PACS2: variants seen among roughly 807,000 people sequenced by gnomAD.
The protein encoded by PACS2 is phosphofurin acidic cluster sorting protein 2.
Under a neutral mutation model 113.0 loss-of-function variants are expected in PACS2, and 36 were observed. The observed-to-expected ratio is 0.32, with a 90% CI of 0.24 to 0.42. The LOEUF (loss-of-function observed/expected upper bound fraction) is 0.42, where lower values mean the gene tolerates loss of function less well. Ranked by LOEUF, PACS2 falls within the 10% of genes least tolerant of loss-of-function variation. PACS2 has a pLI of 1.00. For synonymous variants in PACS2, 589 were observed against 536.1 expected, an observed-to-expected ratio of 1.10 and a Z score of -1.36; for missense variants, 1,015 against 1,239.5, an observed-to-expected ratio of 0.82 and a Z score of 2.72.
chr14:105,377,938 G>C (rs587775851), intron 9 of PACS2, among the ~76,000 whole-genome samples: 1 of 152,348 alleles, frequency 6.6e-6, no homozygotes, highest in African/African-American at 2.4e-5. Flanking sequence ...GTGGTGGTTG[G>C]TGGAGTTCAG....
In PACS2 at chr14:105,383,615, C is replaced by T. The variant is rs1017327463; in HGVS notation, c.1780+102C>T. 2.9e-5 allele frequency: 34 copies of T among 1,162,304 alleles called. No homozygotes were observed. In the East Asian group the frequency reaches 3.1e-4, roughly 11 times the overall value. The allele number at this position is 1,162,304 out of a possible 1,614,324, so 72.0% of individuals were successfully genotyped here. A position where few individuals can be genotyped will look rare whatever the true frequency, so the allele number is the denominator to read the frequency against. Reference sequence around the variant, plus strand: ...TGGCGTGGCGTGTTGTGTGGCGTGGCGTGGCGCGGTGTGTCGTGGTGTGGC... The same window carrying T: ...TGGCGTGGCGTGTTGTGTGGCGTGGTGTGGCGCGGTGTGTCGTGGTGTGGC... On this transcript the variant is annotated intron_variant, in intron 16 of 24. Coordinates refer to ENST00000447393, the MANE Select transcript of PACS2 (RefSeq NM_001100913.3).
In PACS2 at chr14:105,348,730, T is replaced by C. The variant is rs1030848260; in HGVS notation, c.207+150T>C. The stretch of plus-strand genomic sequence containing the variant: ...CTCCGGGAGCCCGGGGGGCTGGGAA[T>C]GACAGGATGCTCCTGGGTCCAGTCC... On this transcript the variant is annotated intron_variant, in intron 2 of 24. Transcript: ENST00000447393. This position sits in a 1 kb window ranked among gnomAD's most constrained non-coding sequence, Gnocchi z 6.4. 2 of 660,168 alleles carry C rather than the reference T, an allele frequency of 3.0e-6. No homozygotes were observed. The highest frequency in any genetic ancestry group is 5.4e-6 in the Non-Finnish European group (2 of 367,818). The allele number at this position is 660,168 out of a possible 1,614,324, so 40.9% of individuals were successfully genotyped here. A position where few individuals can be genotyped will look rare whatever the true frequency, so the allele number is the denominator to read the frequency against.
chr14:105,318,652 T>TTTATTTTTA (rs1566897256), intron 1 of PACS2, among the ~76,000 whole-genome samples: 1 of 149,804 alleles, frequency 6.7e-6, no homozygotes, highest in African/African-American at 2.5e-5. Context: ...TATTTATTTA[T>TTTATTTTTA]TTTTATTTTA....
At chr14:105,314,445 C>G (rs975506235), upstream of PACS2, 2 of 148,154 alleles carry the variant, frequency 1.3e-5, no homozygotes, top group Admixed American at 1.3e-4. Flanking sequence ...CCGGCCCTTG[C>G]CCGCGGCTCC....
chr14:105,355,974 G>A lies in PACS2; in HGVS notation c.423+797G>A, dbSNP rs1001396374. On this transcript the variant is annotated intron_variant, in intron 4 of 24. Transcript: ENST00000447393. This position sits in a 1 kb window ranked among gnomAD's most constrained non-coding sequence, Gnocchi z 4.1. Reference sequence around the variant, plus strand: ...GTTCAGGGGTCCAGGGGCTGCGGGCGTGAGTGGTGCTTGGGGCATGTGAAG... The same window carrying A: ...GTTCAGGGGTCCAGGGGCTGCGGGCATGAGTGGTGCTTGGGGCATGTGAAG... Among the ~76,000 whole-genome samples the A allele has an allele frequency of 1.3e-5, 2 of 152,188 alleles. No individual in the cohort carries two copies. Among genetic ancestry groups the A allele is most frequent in the South Asian group, 2.1e-4 (1 of 4,830 alleles).
At position 105,317,090 on chromosome 14, in the gene PACS2, T is replaced by C. The variant is rs1057472546; in HGVS notation, c.119+2053T>C. Among the ~76,000 whole-genome samples, 2 of 152,336 alleles carry C rather than the reference T, an allele frequency of 1.3e-5. No individual in the cohort carries two copies. Among genetic ancestry groups the C allele is most frequent in the African/African-American group, 4.8e-5 (2 of 41,578 alleles). ...CAGTCTGCTACTTAGTTTTGCTTTGTTCCTCCTGAGTTCTTCTGTACTCCT... is the reference window on the plus strand; with the variant it reads ...CAGTCTGCTACTTAGTTTTGCTTTGCTCCTCCTGAGTTCTTCTGTACTCCT... On this transcript the variant is annotated intron_variant, in intron 1 of 24. Coordinates refer to ENST00000447393, the MANE Select transcript of PACS2 (RefSeq NM_001100913.3). The surrounding 1 kb of genome is among the most constrained non-coding windows in gnomAD (Gnocchi z 4.2).
chr14:105,386,187 C>G (rs368257546), intron 19 of PACS2, among the ~76,000 whole-genome samples: 1 of 152,318 alleles, frequency 6.6e-6, no homozygotes. Flanking sequence ...AGGCCCTTCA[C>G]GTTTGTGAAG....
intron 12 of PACS2, among the ~76,000 whole-genome samples, chr14:105,381,378 G>T (rs893802556): frequency 6.6e-6 from 1 of 152,226 alleles, no homozygotes; most frequent in Admixed American, 6.5e-5. Flanking sequence ...CCCCTGAGTA[G>T]CCCCTGCCTC....
chr14:105,342,865 G>A (rs587603732), intron 1 of PACS2, among the ~76,000 whole-genome samples: 42 of 151,590 alleles, frequency 2.8e-4, no homozygotes, highest in Admixed American at 9.2e-4. Context: ...AACCCGGGAG[G>A]CGGAGGTTGC....
chr14:105,365,161 C>A lies in PACS2; in HGVS notation c.424-2052C>A, dbSNP rs2060900115. On this transcript the variant is annotated intron_variant, in intron 4 of 24. Coordinates refer to ENST00000447393, the MANE Select transcript of PACS2 (RefSeq NM_001100913.3). This position sits in a 1 kb window ranked among gnomAD's most constrained non-coding sequence, Gnocchi z 5.1. ...ATCCACAGAGCATCTGCTGGACTAA[C>A]CCGGGAGGGTGGTCTCAGGGTCAGC... Among the ~76,000 whole-genome samples, 4 of 152,196 alleles carry A rather than the reference C, an allele frequency of 2.6e-5. No homozygotes were observed. Among genetic ancestry groups the A allele is most frequent in the South Asian group, 4.1e-4 (2 of 4,830 alleles).
In PACS2 at chr14:105,368,188, A is replaced by G. The variant is rs371508404; in HGVS notation, c.660+41A>G. 2.1e-6 allele frequency: 3 copies of G among 1,419,794 alleles called. No homozygotes were observed. The African/African-American group carries it at 4.2e-5, about 20-fold the overall frequency. 87.9% of individuals were successfully genotyped at this position (1,419,794 alleles called of 1,614,324 possible). On this transcript the variant is annotated intron_variant, in intron 6 of 24. Coordinates refer to ENST00000447393, the MANE Select transcript of PACS2 (RefSeq NM_001100913.3). ...GGCTCCGCGCCCTCTCCTGGCTCACACCGGGTGTCCTGGGGTCTGTGGGGT... is the reference window on the plus strand; with the variant it reads ...GGCTCCGCGCCCTCTCCTGGCTCACGCCGGGTGTCCTGGGGTCTGTGGGGT...
intron 1 of PACS2, among the ~76,000 whole-genome samples, chr14:105,327,110 C>T (rs897092334): frequency 3.3e-5 from 5 of 152,214 alleles, no homozygotes; most frequent in Non-Finnish European, 7.3e-5. Context: ...GTCGCTGTCT[C>T]CTGCGGGAGG....
chr14:105,319,403 G>A (rs1299027351), intron 1 of PACS2, among the ~76,000 whole-genome samples: 2 of 152,186 alleles, frequency 1.3e-5, no homozygotes, highest in Non-Finnish European at 2.9e-5. Flanking sequence ...TGTATTTTGA[G>A]AGTTTTACAA....
In PACS2 at chr14:105,340,809, C is replaced by T. The variant is rs1296454500; in HGVS notation, c.120-7684C>T. ...GGCATCTCCTGTCCTGGCTTGGCTT[C>T]TGCCCCTGGGTCCGTGGTGGCTGCC... On this transcript the variant is annotated intron_variant, in intron 1 of 24. Transcript: ENST00000447393. This position sits in a 1 kb window ranked among gnomAD's most constrained non-coding sequence, Gnocchi z 4.2. 6.6e-6 allele frequency among the ~76,000 whole-genome samples: 1 copy of T among 152,238 alleles called. No homozygotes were observed. The highest frequency in any genetic ancestry group is 1.5e-5 in the Non-Finnish European group (1 of 68,036).
chr14:105,393,534 C>A (rs1041831832), intron 24 of PACS2, 199 bp downstream of exon 24: 8 of 483,526 alleles, frequency 1.7e-5, no homozygotes, highest in Non-Finnish European at 2.9e-5. Context: ...TTTTTTCAAC[C>A]CTTTTTGCTT....
Position 105,355,970 on chromosome 14 carries a change from G to A in PACS2, c.423+793G>A, listed in dbSNP as rs587604394. 6.6e-6 allele frequency among the ~76,000 whole-genome samples: 1 copy of A among 152,184 alleles called. No homozygotes were observed. The highest frequency in any genetic ancestry group is 2.1e-4 in the South Asian group (1 of 4,836). ...TTGTGTTCAGGGGTCCAGGGGCTGCGGGCGTGAGTGGTGCTTGGGGCATGT... is the reference window on the plus strand; with the variant it reads ...TTGTGTTCAGGGGTCCAGGGGCTGCAGGCGTGAGTGGTGCTTGGGGCATGT... On this transcript the variant is annotated intron_variant, in intron 4 of 24. Coordinates refer to ENST00000447393, the MANE Select transcript of PACS2 (RefSeq NM_001100913.3). The surrounding 1 kb of genome is among the most constrained non-coding windows in gnomAD (Gnocchi z 4.1).
chr14:105,384,838 C>A, intron 17 of PACS2, 41 bp from the exon 18 acceptor site: 1 of 1,330,002 alleles, frequency 7.5e-7, no homozygotes, highest in Non-Finnish European at 1.1e-6. Context: ...GCAACCCCAC[C>A]TGGCACCAGC....
At chr14:105,380,753 C>T (rs1332886462) in intron 11 of PACS2, among the ~76,000 whole-genome samples, 1 of 152,228 alleles carries the variant, frequency 6.6e-6, no homozygotes, top group Non-Finnish European at 1.5e-5. Context: ...GGGGGCTGGT[C>T]ACCCTGCATG....
At position 105,357,786 on chromosome 14, in the gene PACS2, G is replaced by T. The variant is rs1192560016; in HGVS notation, c.423+2609G>T. On this transcript the variant is annotated intron_variant, in intron 4 of 24. Coordinates refer to ENST00000447393, the MANE Select transcript of PACS2 (RefSeq NM_001100913.3). The surrounding 1 kb of genome is among the most constrained non-coding windows in gnomAD (Gnocchi z 5.1). ...GGCTCCGAGACTGCACGCCTGAGAC[G>T]GGGGTGAGGGCATGGGTGCTGCCAT... Among the ~76,000 whole-genome samples the T allele has an allele frequency of 6.6e-6, 1 of 152,202 alleles. No homozygotes were observed. Among genetic ancestry groups the T allele is most frequent in the African/African-American group, 2.4e-5 (1 of 41,448 alleles).
Sources: allele counts gnomAD v4.1 joint callset (sites outside exome capture counted in the v4.1 genomes callset), GRCh38; gene constraint gnomAD v4.1.1; non-coding constraint Gnocchi (gnomAD v3.1); transcripts MANE v1.5; gene names NCBI Gene and HGNC (gene_info 2026-07-23, HGNC 2026-07-21).